Variants in DSCAM observed in about 807,000 individuals in gnomAD.
DSCAM encodes the protein cell adhesion molecule DSCAM.
DSCAM carries 47 observed loss-of-function variants against 217.7 expected under a neutral mutation model. That is an observed-to-expected ratio of 0.22 (90% CI 0.17 to 0.28). DSCAM has a LOEUF of 0.28. Ranked by LOEUF, DSCAM falls within the 10% of genes least tolerant of loss-of-function variation. The probability of loss-of-function intolerance (pLI) is 1.00; values close to 1 mark genes in which losing one functional copy is unlikely to be tolerated. For missense variants in DSCAM, 2,080 were observed against 2,618.3 expected, an observed-to-expected ratio of 0.79 and a Z score of 4.49; for synonymous variants, 1,056 against 1,015.3, an observed-to-expected ratio of 1.04 and a Z score of -0.76.
At position 40,080,190 on chromosome 21, in the gene DSCAM, C is replaced by T. The variant is rs1450850969; in HGVS notation, c.4382G>A (p.Arg1461His). 6.9e-6 allele frequency: 11 copies of T among 1,595,396 alleles called. No homozygotes were observed. The highest frequency in any genetic ancestry group is 1.8e-5 in the Admixed American group (1 of 57,052). Reference sequence around the variant, plus strand: ...CTTTGCTTCTATGATTTCACTTATGCGCCCTGGGCCCACTCCATTTTGGGC... The same window carrying T: ...CTTTGCTTCTATGATTTCACTTATGTGCCCTGGGCCCACTCCATTTTGGGC... The part of the protein sequence containing the change: ...LTAQNGVGPG[R>H]ISEIIEAKTL... The change falls in exon 25 of 33, where the codon CGC becomes CAC. Residue 1461 changes from arginine to histidine, a missense_variant. Physicochemically the swap from Arg to His is conservative, Grantham distance 29. Coordinates refer to ENST00000400454, the MANE Select transcript of DSCAM (RefSeq NM_001389.5).
chr21:40,726,767 T>C (rs561947576), intron 1 of DSCAM, among the ~76,000 whole-genome samples: 75 of 152,318 alleles, frequency 4.9e-4, no homozygotes, highest in African/African-American at 1.7e-3. Flanking sequence ...TGTGGCAGTA[T>C]TGAGGGGTAG....
intron 3 of DSCAM, among the ~76,000 whole-genome samples, chr21:40,502,439 T>G (rs974553593): frequency 6.6e-6 from 1 of 152,216 alleles, no homozygotes; most frequent in East Asian, 1.9e-4. Flanking sequence ...TCTATAGTTC[T>G]GTAGGCCATA....
At chr21:40,620,802 T>C (rs1305920993) in intron 3 of DSCAM, among the ~76,000 whole-genome samples, 2 of 152,242 alleles carry the variant, frequency 1.3e-5, no homozygotes, top group Non-Finnish European at 2.9e-5. Context: ...AAATGAACGT[T>C]TCTACTGGTT....
chr21:40,030,059 T>C (rs1240716854), intron 32 of DSCAM, among the ~76,000 whole-genome samples: 2 of 152,276 alleles, frequency 1.3e-5, no homozygotes, highest in East Asian at 1.9e-4. Context: ...CATGGACACA[T>C]ATATGTTGAC....
At chr21:40,051,184 G>A (rs2837392) in intron 30 of DSCAM, among the ~76,000 whole-genome samples, 46,973 of 152,008 alleles carry the variant, frequency 0.31, 7,554 homozygotes, top group African/African-American at 0.37. Context: ...AAAGCTAGAC[G>A]TCAAAGTTTC....
intron 3 of DSCAM, among the ~76,000 whole-genome samples, chr21:40,642,521 A>G (rs547312385): frequency 6.6e-6 from 1 of 152,280 alleles, no homozygotes; most frequent in Non-Finnish European, 1.5e-5. Flanking sequence ...TTGGTTCCAG[A>G]GGTGAGGAAT....
At chr21:40,713,354 G>C (rs2090804045) in intron 1 of DSCAM, among the ~76,000 whole-genome samples, 1 of 152,198 alleles carries the variant, frequency 6.6e-6, no homozygotes, top group Admixed American at 6.5e-5. Context: ...GCAGGGCATT[G>C]AGACGTGTGT....
intron 1 of DSCAM, among the ~76,000 whole-genome samples, chr21:40,729,950 G>A (rs181137929): frequency 6.7e-4 from 102 of 152,272 alleles, no homozygotes; most frequent in Non-Finnish European, 1.0e-3. Context: ...TCACAGAAAC[G>A]TCTCTGAAAA....
chr21:40,318,459 G>A (rs1569060713), intron 8 of DSCAM, among the ~76,000 whole-genome samples: 1 of 152,252 alleles, frequency 6.6e-6, no homozygotes, highest in Non-Finnish European at 1.5e-5. Flanking sequence ...CCTAGGGGCC[G>A]AGGACTTCTA....
intron 3 of DSCAM, among the ~76,000 whole-genome samples, chr21:40,385,941 T>C (rs2075080873): frequency 6.6e-6 from 1 of 152,214 alleles, no homozygotes; most frequent in Non-Finnish European, 1.5e-5. Context: ...CAATGGGATT[T>C]TGCCTTCGTG....
intron 3 of DSCAM, among the ~76,000 whole-genome samples, chr21:40,371,799 T>C (rs866065956): frequency 1.3e-5 from 2 of 152,208 alleles, no homozygotes; most frequent in Non-Finnish European, 2.9e-5. Flanking sequence ...GTAAACCCAT[T>C]TAAGCCTAGC....
intron 3 of DSCAM, among the ~76,000 whole-genome samples, chr21:40,661,955 T>A (rs188052615): frequency 6.6e-6 from 1 of 152,334 alleles, no homozygotes; most frequent in Non-Finnish European, 1.5e-5. Context: ...ATTTTTATGA[T>A]TTAAAATATG....
chr21:40,527,779 C>A (rs2076411460), intron 3 of DSCAM, among the ~76,000 whole-genome samples: 1 of 152,184 alleles, frequency 6.6e-6, no homozygotes, highest in Non-Finnish European at 1.5e-5. Context: ...GCTGTCATTG[C>A]TACTGGTGCA....
intron 3 of DSCAM, among the ~76,000 whole-genome samples, chr21:40,591,388 T>C (rs1310608997): frequency 6.6e-6 from 1 of 152,218 alleles, no homozygotes; most frequent in Non-Finnish European, 1.5e-5. Context: ...AATAAAGTAC[T>C]GAGTATCCAC....
At chr21:40,803,579 T>C (rs564814299) in intron 1 of DSCAM, among the ~76,000 whole-genome samples, 170 of 152,254 alleles carry the variant, frequency 1.1e-3, no homozygotes, top group Admixed American at 2.7e-3. Flanking sequence ...GTCTCTCAGG[T>C]TAATGATTTA....
intron 3 of DSCAM, among the ~76,000 whole-genome samples, chr21:40,679,054 TAGG>T (rs1425419779): frequency 2.0e-5 from 3 of 152,222 alleles, no homozygotes; most frequent in Non-Finnish European, 4.4e-5. Flanking sequence ...CGGCATCACG[TAGG>T]AGATGTCAGC....
At chr21:40,065,928 C>T (rs752419165) in intron 27 of DSCAM, among the ~76,000 whole-genome samples, 2 of 152,210 alleles carry the variant, frequency 1.3e-5, no homozygotes, top group East Asian at 1.9e-4. Flanking sequence ...AGCTGTCATC[C>T]GGCTCCGCTG....
rs551298309 is a variant in DSCAM, at chr21:40,518,705, C to CAT, written c.509-149461_509-149460insAT. 2.6e-3 allele frequency among the ~76,000 whole-genome samples: 351 copies of CAT among 137,394 alleles called. 4 individuals are homozygous for CAT. The highest frequency in any genetic ancestry group is 2.7e-3 in the Non-Finnish European group (180 of 65,582). 90.1% of individuals were successfully genotyped at this position (137,394 alleles called of 152,430 possible). On this transcript the variant is annotated intron_variant, in intron 3 of 32. Coordinates refer to ENST00000400454, the MANE Select transcript of DSCAM (RefSeq NM_001389.5). ...ATGTATATATATGTATATATATATA[C>CAT]ACACACACCACCTAAAACCTTAAAA...
rs563256096 is a variant in DSCAM, at chr21:40,530,797, CCT to C, written c.509-161554_509-161553del. ...TCGATAAGGGAGTCACAACATCCTC[CCT>C]GTTTTCTTCACTCTGTCCACATCCG... On this transcript the variant is annotated intron_variant, in intron 3 of 32. Transcript: ENST00000400454. Among the ~76,000 whole-genome samples, 27 of 152,112 alleles carry C rather than the reference CCT, an allele frequency of 1.8e-4. No individual in the cohort carries two copies. The South Asian group carries it at 2.9e-3, about 16-fold the overall frequency.
Sources: gnomAD v4.1 joint callset for allele counts (sites outside exome capture counted in the v4.1 genomes callset) on GRCh38, gnomAD v4.1.1 for gene constraint, MANE v1.5 for transcripts, NCBI Gene and HGNC (gene_info 2026-07-23, HGNC 2026-07-21) for gene names.